The following LRRTM4 variants were observed in gnomAD, a reference collection of about 807,000 sequenced individuals.
LRRTM4 encodes leucine rich repeat transmembrane neuronal 4, also known as leucine-rich repeat transmembrane neuronal protein 4.
A neutral mutation model predicts 47.6 loss-of-function variants in LRRTM4; 25 were observed. That is an observed-to-expected ratio of 0.53 (90% CI 0.38 to 0.73). The LOEUF (loss-of-function observed/expected upper bound fraction) is 0.73, where lower values mean the gene tolerates loss of function less well. Among genes scored for constraint, LRRTM4 ranks in the 30% least tolerant of loss-of-function variants. The probability of loss-of-function intolerance (pLI) is 0.00; values close to 1 mark genes in which losing one functional copy is unlikely to be tolerated. For missense variants in LRRTM4, 638 were observed against 713.4 expected (o/e 0.89, Z 1.20); for synonymous variants, 311 against 269.5 (o/e 1.15, Z -1.51).
intron 3 of LRRTM4, among the ~76,000 whole-genome samples, chr2:77,130,650 T>C (rs1327579352): frequency 1.3e-5 from 2 of 149,958 alleles, no homozygotes; most frequent in African/African-American, 2.4e-5. Context: ...TAGCTGGGAC[T>C]ACAGGCGCCG....
In LRRTM4 at chr2:77,006,197, A is replaced by G. The variant is rs1677638889; in HGVS notation, c.1552-257281T>C. On this transcript the variant is annotated intron_variant, in intron 3 of 3. Transcript: ENST00000409884. ...AAGGACATTCGTTTCTTAAGGGGTA[A>G]AAATATGGCTTAGAATAAAATGGAC... Among the ~76,000 whole-genome samples the G allele has an allele frequency of 2.0e-5, 3 of 152,156 alleles. No individual in the cohort carries two copies. The South Asian group carries it at 6.2e-4, about 31-fold the overall frequency.
intron 3 of LRRTM4, among the ~76,000 whole-genome samples, chr2:77,148,632 G>A (rs1221012287): frequency 6.6e-6 from 1 of 152,010 alleles, no homozygotes; most frequent in Non-Finnish European, 1.5e-5. Flanking sequence ...AGGAGGGGAA[G>A]GTAAATTTGA....
chr2:76,904,670 T>A (rs554341312), intron 3 of LRRTM4, among the ~76,000 whole-genome samples: 1 of 152,132 alleles, frequency 6.6e-6, no homozygotes, highest in African/African-American at 2.4e-5. Flanking sequence ...TGTTGGCACA[T>A]TGGAAAGAAC....
intron 3 of LRRTM4, among the ~76,000 whole-genome samples, chr2:76,823,767 C>CT (rs762308106): frequency 1.3e-3 from 191 of 151,246 alleles, no homozygotes; most frequent in Non-Finnish European, 2.7e-3. Context: ...TTCTAGATAT[C>CT]AAAAAATAAA....
intron 3 of LRRTM4, among the ~76,000 whole-genome samples, chr2:77,170,199 C>G (rs183573309): frequency 1.3e-5 from 2 of 151,668 alleles, no homozygotes; most frequent in African/African-American, 4.9e-5. Context: ...CATGTGAGTC[C>G]TTAAGAGTGG....
At chr2:77,324,207 C>CAA (rs1670665792) in intron 3 of LRRTM4, among the ~76,000 whole-genome samples, 1 of 151,942 alleles carries the variant, frequency 6.6e-6, no homozygotes, top group Non-Finnish European at 1.5e-5. Flanking sequence ...GATATTTTTT[C>CAA]TCGACAAATA....
chr2:76,929,787 T>C (rs1408900446), intron 3 of LRRTM4, among the ~76,000 whole-genome samples: 1 of 152,118 alleles, frequency 6.6e-6, no homozygotes, highest in African/African-American at 2.4e-5. Context: ...GATTAAAAAA[T>C]AATGTTTCAA....
chr2:77,066,624 C>T (rs1026773381), intron 3 of LRRTM4, among the ~76,000 whole-genome samples: 2 of 152,104 alleles, frequency 1.3e-5, no homozygotes, highest in African/African-American at 4.8e-5. Context: ...AGATCAAAGG[C>T]CCTTATTGTC....
chr2:77,008,927 G>A (rs193240160), intron 3 of LRRTM4: 2 of 141,598 alleles, frequency 1.4e-5, no homozygotes, highest in Admixed American at 7.3e-5. Flanking sequence ...AAGCCATATT[G>A]GAGCCAACAA....
intron 3 of LRRTM4, among the ~76,000 whole-genome samples, chr2:76,997,184 T>C (rs576687083): frequency 1.3e-5 from 2 of 152,136 alleles, no homozygotes; most frequent in Non-Finnish European, 2.9e-5. Context: ...TGAAGCTCAA[T>C]CAAATGGGCT....
intron 3 of LRRTM4, among the ~76,000 whole-genome samples, chr2:77,387,422 C>T (rs1673321617): frequency 6.6e-6 from 1 of 152,116 alleles, no homozygotes; most frequent in Non-Finnish European, 1.5e-5. Flanking sequence ...CAGTATGTCT[C>T]CCTCTGTGGC....
intron 3 of LRRTM4, among the ~76,000 whole-genome samples, chr2:77,021,362 G>C (rs761570966): frequency 6.6e-6 from 1 of 152,012 alleles, no homozygotes; most frequent in African/African-American, 2.4e-5. Context: ...GAACACACCA[G>C]GATTAAGTGT....
Position 76,783,115 on chromosome 2 carries a change from CAG to C in LRRTM4, c.1552-34201_1552-34200del, listed in dbSNP as rs1325454550. On this transcript the variant is annotated intron_variant, in intron 3 of 3. Coordinates refer to ENST00000409884, the MANE Select transcript of LRRTM4 (RefSeq NM_001134745.3). ...AGACAAGCATTAGTTACAAAATTAT[CAG>C]AGTTAATTAATATTGGGAAGAATTC... 2.0e-5 allele frequency among the ~76,000 whole-genome samples: 3 copies of C among 152,050 alleles called. No homozygotes were observed. The East Asian group carries it at 5.8e-4, about 29-fold the overall frequency.
chr2:76,829,360 C>T (rs747791008), intron 3 of LRRTM4, among the ~76,000 whole-genome samples: 1 of 151,878 alleles, frequency 6.6e-6, no homozygotes, highest in Non-Finnish European at 1.5e-5. Context: ...TCCATTTGTA[C>T]TCTTGTTCTA....
chr2:77,129,307 A>G (rs1671733795), intron 3 of LRRTM4, among the ~76,000 whole-genome samples: 1 of 152,212 alleles, frequency 6.6e-6, no homozygotes, highest in African/African-American at 2.4e-5. Flanking sequence ...AAGCTTTTTG[A>G]AATGTTAAAT....
At chr2:77,061,346 CTTAAT>C (rs974966659) in intron 3 of LRRTM4, among the ~76,000 whole-genome samples, 4 of 152,208 alleles carry the variant, frequency 2.6e-5, no homozygotes, top group East Asian at 1.9e-4. Context: ...TCAACAGTTC[CTTAAT>C]TTATTCTGTC....
chr2:77,308,111 T>C (rs1245364850), intron 3 of LRRTM4, among the ~76,000 whole-genome samples: 2 of 138,456 alleles, frequency 1.4e-5, no homozygotes, highest in Non-Finnish European at 3.0e-5. Flanking sequence ...ATATGTTATA[T>C]ATTATTTATA....
intron 3 of LRRTM4, among the ~76,000 whole-genome samples, chr2:76,791,346 ATGTAGATT>A (rs550704905): frequency 2.2e-4 from 34 of 151,698 alleles, no homozygotes; most frequent in Non-Finnish European, 3.1e-4. Flanking sequence ...CAACATTCCC[ATGTAGATT>A]TGTAGATTTG....
At chr2:76,832,454 C>CTTTTTTTT (rs541805872) in intron 3 of LRRTM4, among the ~76,000 whole-genome samples, 13 of 94,032 alleles carry the variant, frequency 1.4e-4, no homozygotes, top group East Asian at 3.5e-4. Flanking sequence ...CCTCGAAGGG[C>CTTTTTTTT]TTTTTTTTTT....
Sources: allele counts gnomAD v4.1 joint callset (sites outside exome capture counted in the v4.1 genomes callset), GRCh38; gene constraint gnomAD v4.1.1; transcripts MANE v1.5; gene names NCBI Gene and HGNC (gene_info 2026-07-23, HGNC 2026-07-21).